TIMD4: variants seen among roughly 807,000 people sequenced by gnomAD.
TIMD4 encodes T-cell immunoglobulin and mucin domain-containing protein 4.
A neutral mutation model predicts 41.2 loss-of-function variants in TIMD4; 31 were observed. The ratio of observed to expected loss-of-function variants is 0.75; its 90% CI spans 0.57 to 1.01. The LOEUF is 1.01. TIMD4 is among the 50% of genes least tolerant of loss of function. The probability of loss-of-function intolerance (pLI) is 0.00; values close to 1 mark genes in which losing one functional copy is unlikely to be tolerated. For synonymous variants in TIMD4, 204 were observed against 177.1 expected (o/e 1.15, Z -1.21); for missense variants, 479 against 472.5 (o/e 1.01, Z -0.13).
intron 5 of TIMD4, among the ~76,000 whole-genome samples, chr5:156,934,206 C>T (rs1053747778): frequency 3.2e-4 from 49 of 152,302 alleles, no homozygotes; most frequent in African/African-American, 1.1e-3. Context: ...TGAGCTCTTA[C>T]TATGTGCCAG....
chr5:156,923,840 G>A (rs1255269573), intron 6 of TIMD4, among the ~76,000 whole-genome samples: 4 of 151,832 alleles, frequency 2.6e-5, no homozygotes, highest in Non-Finnish European at 5.9e-5. Context: ...ACAAGACCCA[G>A]GCTGTTATTT....
chr5:156,945,933 G>A (rs933182738), intron 5 of TIMD4, among the ~76,000 whole-genome samples: 7 of 152,074 alleles, frequency 4.6e-5, no homozygotes, highest in African/African-American at 1.4e-4. Context: ...AACATAACAC[G>A]TGCGCAATAA....
At chr5:156,954,841 C>A in intron 1 of TIMD4, 85 bp from the exon 2 acceptor site, 1 of 1,134,858 alleles carries the variant, frequency 8.8e-7, no homozygotes, top group Non-Finnish European at 1.2e-6. Flanking sequence ...ATAGATGCTT[C>A]CAGGAAGATG....
At chr5:156,951,059 TGTCC>T (rs1759842174) in intron 3 of TIMD4, among the ~76,000 whole-genome samples, 1 of 151,810 alleles carries the variant, frequency 6.6e-6, no homozygotes, top group Admixed American at 6.6e-5. Context: ...GAATAAATTG[TGTCC>T]CCTCAAAATT....
rs1262458694 is a variant in TIMD4, at chr5:156,957,665, A to C, written c.59-2909T>G. 2.0e-5 allele frequency among the ~76,000 whole-genome samples: 3 copies of C among 152,184 alleles called. No individual in the cohort carries two copies. The East Asian group carries it at 5.8e-4, about 29-fold the overall frequency. On this transcript the variant is annotated intron_variant, in intron 1 of 8. Coordinates refer to ENST00000274532, the MANE Select transcript of TIMD4 (RefSeq NM_138379.3). Reference sequence around the variant, plus strand: ...ACACATGCACCTAAAATTAATAACTACTAAAATATGAACTTAGCCAAGTGT... The same window carrying C: ...ACACATGCACCTAAAATTAATAACTCCTAAAATATGAACTTAGCCAAGTGT...
At chr5:156,953,897 G>A (rs58399556) in intron 2 of TIMD4, among the ~76,000 whole-genome samples, 6,062 of 152,144 alleles carry the variant, frequency 0.04, 313 homozygotes, top group African/African-American at 0.12. Context: ...CCATATCCCA[G>A]ATTTCATCAA....
At chr5:156,949,448 TCC>T (rs1561552159) in intron 4 of TIMD4, among the ~76,000 whole-genome samples, 1 of 151,170 alleles carries the variant, frequency 6.6e-6, no homozygotes, top group Non-Finnish European at 1.5e-5. Context: ...CTCCTCCTCC[TCC>T]TCCTTCTCTC....
intron 1 of TIMD4, among the ~76,000 whole-genome samples, chr5:156,960,987 C>T (rs892556210): frequency 7.2e-5 from 11 of 152,100 alleles, no homozygotes; most frequent in Non-Finnish European, 1.5e-4. Flanking sequence ...CATGGCACTA[C>T]GGAGGAAAGA....
intron 1 of TIMD4, among the ~76,000 whole-genome samples, chr5:156,962,626 C>A (rs950832259): frequency 2.0e-5 from 3 of 152,104 alleles, no homozygotes; most frequent in Non-Finnish European, 4.4e-5. Context: ...CACCAGGATG[C>A]AAAGAACTTC....
Position 156,961,822 on chromosome 5 carries a change from A to AAAG in TIMD4, c.58+1318_58+1319insCTT, listed in dbSNP as rs1753061052. ...AGACTCCGTCTCAAAAAAAAAAAAA[A>AAAG]AAAAAAAAAAAAAAGAAAGAAAAAA... On this transcript the variant is annotated intron_variant, in intron 1 of 8. Transcript: ENST00000274532. Among the ~76,000 whole-genome samples the AAAG allele has an allele frequency of 7.1e-5, 10 of 140,796 alleles. No homozygotes were observed. The South Asian group carries it at 1.7e-3, about 25-fold the overall frequency. 92.4% of individuals were successfully genotyped at this position (140,796 alleles called of 152,430 possible).
At chr5:156,941,470 G>T (rs1482955381) in intron 5 of TIMD4, among the ~76,000 whole-genome samples, 1 of 152,182 alleles carries the variant, frequency 6.6e-6, no homozygotes, top group African/African-American at 2.4e-5. Context: ...AATCACCAAA[G>T]ACATCATGCT....
chr5:156,919,651 C>G, intron 8 of TIMD4, 110 bp from the exon 9 acceptor site: 1 of 806,146 alleles, frequency 1.2e-6, no homozygotes, highest in South Asian at 1.7e-5. Context: ...AAAGGGCTCA[C>G]AGTTCATTTA....
intron 2 of TIMD4, among the ~76,000 whole-genome samples, chr5:156,953,458 C>T (rs1176770028): frequency 2.6e-5 from 4 of 151,882 alleles, no homozygotes; most frequent in African/African-American, 9.7e-5. Context: ...GAGTTCAAGA[C>T]CAGCCTGGCC....
At chr5:156,942,858 G>C (rs1759672486) in intron 5 of TIMD4, among the ~76,000 whole-genome samples, 1 of 152,202 alleles carries the variant, frequency 6.6e-6, no homozygotes, top group Non-Finnish European at 1.5e-5. Flanking sequence ...AAACAACTGA[G>C]AGGCAGTTGA....
chr5:156,929,844 TA>T (rs1241246641), intron 5 of TIMD4, among the ~76,000 whole-genome samples: 4 of 151,924 alleles, frequency 2.6e-5, no homozygotes, highest in Admixed American at 1.3e-4. Flanking sequence ...GTAACCAACC[TA>T]AAAAAAAGTC....
chr5:156,960,111 A>C (rs1444267815), intron 1 of TIMD4, among the ~76,000 whole-genome samples: 1 of 151,792 alleles, frequency 6.6e-6, no homozygotes, highest in African/African-American at 2.4e-5. Context: ...AAAAAACAAA[A>C]TAAAACAAAA....
chr5:156,925,277 T>A (rs1052038580), intron 6 of TIMD4, among the ~76,000 whole-genome samples: 1 of 152,188 alleles, frequency 6.6e-6, no homozygotes, highest in African/African-American at 2.4e-5. Context: ...ACCACTGCAC[T>A]CCAGCCTGGG....
chr5:156,922,269 C>T lies in TIMD4; in HGVS notation c.895-53G>A, dbSNP rs1759258720. On this transcript the variant is annotated intron_variant, in intron 6 of 8. Transcript: ENST00000274532. Reference sequence around the variant, plus strand: ...CCCAGTCACTGCTAGATGCCACCCTCACAAGATGACATCCCAGCCCAATAG... The same window carrying T: ...CCCAGTCACTGCTAGATGCCACCCTTACAAGATGACATCCCAGCCCAATAG... 6.8e-6 allele frequency: 9 copies of T among 1,322,008 alleles called. No individual in the cohort carries two copies. The East Asian group carries it at 2.1e-4, about 30-fold the overall frequency. The allele number at this position is 1,322,008 out of a possible 1,614,324, so 81.9% of individuals were successfully genotyped here.
At chr5:156,926,415 G>A in intron 5 of TIMD4, 103 bp from the exon 6 acceptor site, 1 of 1,134,074 alleles carries the variant, frequency 8.8e-7, no homozygotes, top group Non-Finnish European at 1.3e-6. Flanking sequence ...TGCAGCTGAT[G>A]TGTTTAATTA....
Sources: allele counts gnomAD v4.1 joint callset (sites outside exome capture counted in the v4.1 genomes callset), GRCh38; gene constraint gnomAD v4.1.1; transcripts MANE v1.5; gene names NCBI Gene and HGNC (gene_info 2026-07-23, HGNC 2026-07-21).